Variants in OSGIN1 observed in about 807,000 individuals in gnomAD.
The protein encoded by OSGIN1 is oxidative stress induced growth inhibitor 1, also known as oxidative stress-induced growth inhibitor 1.
OSGIN1 carries 19 observed loss-of-function variants against 20.1 expected under a neutral mutation model. That is an observed-to-expected ratio of 0.95 (90% CI 0.66 to 1.39). The LOEUF (loss-of-function observed/expected upper bound fraction) is 1.39. OSGIN1 is among the 40% of genes most tolerant of loss of function. The pLI is 0.00. For missense variants in OSGIN1, 820 were observed against 653.0 expected, an observed-to-expected ratio of 1.26 and a Z score of -2.79; for synonymous variants, 368 against 297.8, an observed-to-expected ratio of 1.24 and a Z score of -2.43.
In OSGIN1 at chr16:83,965,456, C is replaced by A. The variant is rs373502549; in HGVS notation, c.883C>A (p.Leu295Met). 111 of 1,600,010 alleles carry A rather than the reference C, an allele frequency of 6.9e-5. No individual in the cohort carries two copies. The highest frequency in any genetic ancestry group is 8.8e-5 in the Non-Finnish European group (104 of 1,176,962). ...CCCTGTCCTCATCATTGGCGCGGGG[C>A]TGTCAGCGGCCGACGCGGTCCTCTA... Reference protein sequence around the residue: ...SDPVLIIGAGLSAADAVLYAR... With the variant: ...SDPVLIIGAGMSAADAVLYAR... The change falls in exon 6 of 6, where the codon CTG (leucine) becomes ATG (methionine). Residue 295 changes from leucine to methionine, a missense_variant. Physicochemically the swap from Leu to Met is conservative, Grantham distance 15. Coordinates refer to ENST00000393306, the MANE Select transcript of OSGIN1 (RefSeq NM_182981.3).
intron 1 of OSGIN1, among the ~76,000 whole-genome samples, chr16:83,956,085 G>A (rs1376057544): frequency 1.3e-5 from 2 of 152,210 alleles, no homozygotes; most frequent in Non-Finnish European, 2.9e-5. Flanking sequence ...TGCTGAGCGG[G>A]CTGGACGCTA....
At position 83,957,628 on chromosome 16, in the gene OSGIN1, C is replaced by G. The variant is rs751398273; in HGVS notation, c.-32-12C>G. ...CCGAATGGACTCTTCCTTCCCCTCTCCCCCACTCCAGGTCCGCTGCCAGCC... is the reference window on the plus strand; with the variant it reads ...CCGAATGGACTCTTCCTTCCCCTCTGCCCCACTCCAGGTCCGCTGCCAGCC... On this transcript the variant is annotated splice_polypyrimidine_tract_variant and intron_variant, in intron 1 of 5. Coordinates refer to ENST00000393306, the MANE Select transcript of OSGIN1 (RefSeq NM_182981.3). The G allele has an allele frequency of 1.4e-6, 2 of 1,385,594 alleles. No homozygotes were observed. Among genetic ancestry groups the G allele is most frequent in the Middle Eastern group, 1.8e-4 (1 of 5,662 alleles). 85.8% of individuals were successfully genotyped at this position (1,385,594 alleles called of 1,614,324 possible).
chr16:83,963,735 A>G (rs1414846646), intron 5 of OSGIN1, among the ~76,000 whole-genome samples: 1 of 152,106 alleles, frequency 6.6e-6, no homozygotes, highest in African/African-American at 2.4e-5. Flanking sequence ...GTGGCACAGG[A>G]TTCTCCCGTA....
chr16:83,965,031 T>C, intron 5 of OSGIN1, 31 bp from the exon 6 acceptor site: 1 of 1,096,866 alleles, frequency 9.1e-7, no homozygotes, highest in Non-Finnish European at 1.3e-6. Context: ...TAACAGTGTC[T>C]GACTCTGGCG....
chr16:83,961,016 C>G lies in OSGIN1; in HGVS notation c.432C>G (p.Gly144=). 2 of 1,613,648 alleles carry G rather than the reference C, an allele frequency of 1.2e-6. No individual in the cohort carries two copies. The highest frequency in any genetic ancestry group is 1.7e-4 in the Middle Eastern group (1 of 6,060). ...GCTCCATGGTGATCCTGAGCCAAGG[C>G]CAGTGGATGGGGCTCCCGGACCTGG... The part of the protein sequence containing the change: ...IEGSMVILSQ[G]QWMGLPDLEV... Residue 144 remains glycine, a synonymous_variant, in exon 5 of 6, where the codon GGC becomes GGG. Coordinates refer to ENST00000393306, the MANE Select transcript of OSGIN1 (RefSeq NM_182981.3).
rs867603122 is a variant in OSGIN1, at chr16:83,965,781, C to A, written c.1208C>A (p.Ser403Tyr). Reference sequence around the variant, plus strand: ...CTCATCGGCTCCCACCCCGACCTCTCCTTCCTGCCTGGGGCAGGGGCTGAC... The same window carrying A: ...CTCATCGGCTCCCACCCCGACCTCTACTTCCTGCCTGGGGCAGGGGCTGAC... ...LVLIGSHPDL[S>Y]FLPGAGADFA... Residue 403 changes from serine to tyrosine, a missense_variant, in exon 6 of 6, where the codon TCC becomes TAC. Physicochemically the swap from Ser to Tyr is moderately radical, Grantham distance 144. Coordinates refer to ENST00000393306, the MANE Select transcript of OSGIN1 (RefSeq NM_182981.3). 1 of 1,613,034 alleles carries A rather than the reference C, an allele frequency of 6.2e-7. No individual in the cohort carries two copies. Among genetic ancestry groups the A allele is most frequent in the Admixed American group, 1.7e-5 (1 of 60,000 alleles).
rs1454219434 is a variant in OSGIN1, at chr16:83,957,717, C to G, written c.46C>G (p.Pro16Ala). 1 of 1,600,648 alleles carries G rather than the reference C, an allele frequency of 6.2e-7. No individual in the cohort carries two copies. The highest frequency in any genetic ancestry group is 1.7e-5 in the Admixed American group (1 of 58,666). The change falls in exon 2 of 6, where the codon CCC becomes GCC. Residue 16 changes from proline to alanine, a missense_variant. Physicochemically the swap from Pro to Ala is conservative, Grantham distance 27. Transcript: ENST00000393306. ...KDHLGASSSE[P>A]LPVIIVGNGP... ...CCACCTCGGCGCCAGCAGCTCAGAG[C>G]CCCTCCCGGTCATCATTGTGGGTGA...
rs2084278679 is a variant in OSGIN1, at chr16:83,966,214, G to A, written c.*207G>A. 5.3e-6 allele frequency: 3 copies of A among 568,274 alleles called. No individual in the cohort carries two copies. Among genetic ancestry groups the A allele is most frequent in the Admixed American group, 3.5e-5 (1 of 28,582 alleles). The allele number at this position is 568,274 out of a possible 1,614,324, so 35.2% of individuals were successfully genotyped here. A position where few individuals can be genotyped will look rare whatever the true frequency, so the allele number is the denominator to read the frequency against. On this transcript the variant is annotated 3_prime_UTR_variant, in exon 6 of 6. Transcript: ENST00000393306. ...TAACAGCGGCCGCAGGCCAGGGTTG[G>A]CCTAGACCTGGGATTTGTGGGGAAA...
intron 1 of OSGIN1, chr16:83,954,642 C>T (rs1479843478): frequency 2.2e-6 from 1 of 447,276 alleles, no homozygotes; most frequent in East Asian, 1.6e-4. Context: ...AGTGACTTCT[C>T]AGGTCCAGCC....
In OSGIN1 at chr16:83,956,504, TGGATCTCGAG is replaced by T. The variant is rs796325096; in HGVS notation, c.-32-1132_-32-1123del. On this transcript the variant is annotated intron_variant, in intron 1 of 5. Coordinates refer to ENST00000393306, the MANE Select transcript of OSGIN1 (RefSeq NM_182981.3). ...TTGAGTGTGACACCTGGATGGGCCC[TGGATCTCGAG>T]GGACAGGCCGAGTGGTGTGGGTGGT... Among the ~76,000 whole-genome samples, 7 of 152,262 alleles carry T rather than the reference TGGATCTCGAG, an allele frequency of 4.6e-5. 1 individual carries two copies. Among genetic ancestry groups the T allele is most frequent in the African/African-American group, 1.7e-4 (7 of 41,560 alleles).
intron 2 of OSGIN1, 97 bp downstream of exon 2, chr16:83,957,835 CT>C (rs1909013529): frequency 4.5e-6 from 2 of 449,216 alleles, no homozygotes; most frequent in South Asian, 1.4e-4. Context: ...GGCCTGGTGT[CT>C]TTTTTCGTTT....
Position 83,965,079 on chromosome 16 carries a change from G to A in OSGIN1, c.506G>A (p.Arg169Gln), listed in dbSNP as rs202161040. ...CCCAACAGAGGTCTTCGCAACAGCC[G>A]GGCCACTGCCGGGGACATCGCCCAC... is the stretch of plus-strand genomic sequence containing the variant. ...QKKRRGLRNS[R>Q]ATAGDIAHYY... is the part of the protein sequence containing the mutation. The change falls in exon 6 of 6, where the codon CGG becomes CAG. Residue 169 changes from arginine (R) to glutamine (Q), a missense_variant. Transcript: ENST00000393306. 197 of 1,396,950 alleles carry A rather than the reference G, an allele frequency of 1.4e-4. 1 individual carries two copies. In the East Asian group the frequency reaches 1.8e-3, roughly 12 times the overall value. 86.5% of individuals were successfully genotyped at this position (1,396,950 alleles called of 1,614,324 possible). A position where few individuals can be genotyped will look rare whatever the true frequency, so the allele number is the denominator to read the frequency against.
In OSGIN1 at chr16:83,965,648, C is replaced by A; in HGVS notation, c.1075C>A (p.Arg359Ser). 1.9e-6 allele frequency: 3 copies of A among 1,613,378 alleles called. No individual in the cohort carries two copies. Among genetic ancestry groups the A allele is most frequent in the Non-Finnish European group, 2.5e-6 (3 of 1,180,006 alleles). Residue 359 changes from arginine to serine, a missense_variant, in exon 6 of 6, where the codon CGC (arginine) becomes AGC (serine). Transcript: ENST00000393306. ...GTCGCCCAGCCCCTATGAGGGTTAC[C>A]GCAGCCTCCCCAGGCACCAGCTGCT... ...ILSPSPYEGYRSLPRHQLLCF... is the reference protein window; with the variant it reads ...ILSPSPYEGYSSLPRHQLLCF...
In OSGIN1 at chr16:83,960,725, G is replaced by T; in HGVS notation, c.361G>T (p.Val121Phe). 1 of 1,613,406 alleles carries T rather than the reference G, an allele frequency of 6.2e-7. No individual in the cohort carries two copies. Among genetic ancestry groups the T allele is most frequent in the Non-Finnish European group, 8.5e-7 (1 of 1,180,030 alleles). ...GAAGGAGCACGCCATCCCCCACGTG[G>T]TTCTGGGCCGGAACCTCCCCGGGGG... ...HRKEHAIPHV[V>F]LGRNLPGGAW... The change falls in exon 4 of 6, where the codon GTT (valine) becomes TTT (phenylalanine). Residue 121 changes from valine (V) to phenylalanine (F), a missense_variant. Physicochemically the swap from Val to Phe is conservative, Grantham distance 50. Coordinates refer to ENST00000393306, the MANE Select transcript of OSGIN1 (RefSeq NM_182981.3).
intron 5 of OSGIN1, among the ~76,000 whole-genome samples, chr16:83,963,811 G>A (rs1428408674): frequency 6.6e-6 from 1 of 152,184 alleles, no homozygotes; most frequent in African/African-American, 2.4e-5. Context: ...GTCACACAGT[G>A]AGATACAGGA....
intron 3 of OSGIN1, among the ~76,000 whole-genome samples, chr16:83,960,292 C>G (rs1338295802): frequency 6.6e-6 from 1 of 152,224 alleles, no homozygotes; most frequent in East Asian, 1.9e-4. Context: ...CCAAGCTGAT[C>G]TGACCACACT....
intron 1 of OSGIN1, 43 bp from the exon 2 acceptor site, chr16:83,957,597 C>T: frequency 1.0e-6 from 1 of 996,626 alleles, no homozygotes; most frequent in South Asian, 1.4e-5. Flanking sequence ...GACACCCAGG[C>T]CTCACCCGAA....
At chr16:83,961,890 C>A (rs998755958) in intron 5 of OSGIN1, among the ~76,000 whole-genome samples, 1 of 152,156 alleles carries the variant, frequency 6.6e-6, no homozygotes, top group East Asian at 1.9e-4. Context: ...CCCTTCAGCC[C>A]TTTCCTCTAT....
chr16:83,956,335 G>T (rs896763964), intron 1 of OSGIN1, among the ~76,000 whole-genome samples: 2 of 152,202 alleles, frequency 1.3e-5, no homozygotes, highest in African/African-American at 2.4e-5. Context: ...AAAACTCTGC[G>T]TTCATTCATT....
Sources: allele counts gnomAD v4.1 joint callset (sites outside exome capture counted in the v4.1 genomes callset), GRCh38; gene constraint gnomAD v4.1.1; transcripts MANE v1.5; gene names NCBI Gene and HGNC (gene_info 2026-07-23, HGNC 2026-07-21).